SNTG1: variants seen among roughly 807,000 people sequenced by gnomAD.
SNTG1 encodes the protein gamma-1-syntrophin.
Under a neutral mutation model 74.7 loss-of-function variants are expected in SNTG1, and 39 were observed. The ratio of observed to expected loss-of-function variants is 0.52; its 90% CI spans 0.40 to 0.68. The LOEUF (loss-of-function observed/expected upper bound fraction) is 0.68. Ranked by LOEUF, SNTG1 falls within the 30% of genes least tolerant of loss-of-function variation. The probability of loss-of-function intolerance (pLI) is 0.00; values close to 1 mark genes in which losing one functional copy is unlikely to be tolerated. For missense variants in SNTG1, 685 were observed against 609.5 expected (o/e 1.12, Z -1.30); for synonymous variants, 254 against 217.1 (o/e 1.17, Z -1.49).
At position 50,734,897 on chromosome 8, in the gene SNTG1, ACATATATATATCTATATATATGTC is replaced by A. The variant is rs1235972403; in HGVS notation, c.1285-17097_1285-17074del. On this transcript the variant is annotated intron_variant, in intron 17 of 18. Coordinates refer to ENST00000642720, the MANE Select transcript of SNTG1 (RefSeq NM_018967.5). ...GACATATATATATCTATATATATGG[ACATATATATATCTATATATATGTC>A]CATATACATATATAGATATATATGG... is the stretch of plus-strand genomic sequence containing the variant. Among the ~76,000 whole-genome samples the A allele has an allele frequency of 1.5e-3, 206 of 133,080 alleles. 4 individuals are homozygous for A. Among genetic ancestry groups the A allele is most frequent in the African/African-American group, 5.2e-3 (183 of 34,944 alleles). 87.3% of individuals were successfully genotyped at this position (133,080 alleles called of 152,430 possible).
chr8:50,243,139 G>T (rs955111908), intron 2 of SNTG1, among the ~76,000 whole-genome samples: 1 of 150,804 alleles, frequency 6.6e-6, no homozygotes, highest in Non-Finnish European at 1.5e-5. Flanking sequence ...TAAATTGACC[G>T]CTAATGGTAT....
rs759561868 is a variant in SNTG1 at position 50,527,681 on chromosome 8, A to C, written c.467-2496A>C. Among the ~76,000 whole-genome samples the C allele has an allele frequency of 1.5e-4, 23 of 152,016 alleles. 1 individual carries two copies. Among genetic ancestry groups the C allele is most frequent in the Non-Finnish European group, 4.4e-5 (3 of 67,942 alleles). On this transcript the variant is annotated intron_variant, in intron 9 of 18. Transcript: ENST00000642720. ...CCTAGAAGAGGTTCTTCAACTTTGA[A>C]ATCTGTAAAGATCATTTGGCTATTC...
intron 2 of SNTG1, among the ~76,000 whole-genome samples, chr8:50,337,772 A>G (rs1466502698): frequency 1.3e-5 from 2 of 152,234 alleles, no homozygotes; most frequent in African/African-American, 2.4e-5. Flanking sequence ...TTTATCCCAC[A>G]TCAACAAGGC....
chr8:49,988,297 A>G (rs1019440589), intron 1 of SNTG1, among the ~76,000 whole-genome samples: 4 of 152,186 alleles, frequency 2.6e-5, no homozygotes, highest in African/African-American at 9.6e-5. Flanking sequence ...TGTCCCATAC[A>G]TATGAAATAA....
chr8:50,112,759 T>C (rs1275673706), intron 1 of SNTG1, among the ~76,000 whole-genome samples: 1 of 151,960 alleles, frequency 6.6e-6, no homozygotes, highest in Non-Finnish European at 1.5e-5. Context: ...TCCACCTGCT[T>C]CGGCCTCCTA....
intron 1 of SNTG1, among the ~76,000 whole-genome samples, chr8:50,049,876 A>G (rs574249963): frequency 6.6e-6 from 1 of 152,212 alleles, no homozygotes; most frequent in Admixed American, 6.5e-5. Flanking sequence ...GAGAAGTCTC[A>G]GGAGAAATTT....
chr8:50,530,610 T>A (rs1002528109), intron 10 of SNTG1, among the ~76,000 whole-genome samples: 7 of 152,178 alleles, frequency 4.6e-5, no homozygotes, highest in African/African-American at 1.7e-4. Context: ...TGAAATTACT[T>A]AACTAAAAGT....
chr8:50,379,554 T>A (rs2092447509), intron 2 of SNTG1, among the ~76,000 whole-genome samples: 1 of 152,112 alleles, frequency 6.6e-6, no homozygotes, highest in Non-Finnish European at 1.5e-5. Flanking sequence ...GAGCTCCCAC[T>A]TTTTCCTGGC....
chr8:50,043,883 C>T (rs1329872956), intron 1 of SNTG1, among the ~76,000 whole-genome samples: 2 of 152,158 alleles, frequency 1.3e-5, no homozygotes, highest in Non-Finnish European at 2.9e-5. Flanking sequence ...TTACGCATGT[C>T]ATAGCAGCCT....
intron 1 of SNTG1, among the ~76,000 whole-genome samples, chr8:50,150,293 G>A (rs2082020235): frequency 6.6e-6 from 1 of 152,146 alleles, no homozygotes; most frequent in African/African-American, 2.4e-5. Context: ...GAGATTTTGG[G>A]CTGAGACGGT....
At chr8:49,967,573 T>C (rs1256813392) in intron 1 of SNTG1, among the ~76,000 whole-genome samples, 1 of 126,396 alleles carries the variant, frequency 7.9e-6, no homozygotes. Flanking sequence ...TTGTTTTAAT[T>C]CGAATTGGTT....
intron 13 of SNTG1, among the ~76,000 whole-genome samples, chr8:50,639,449 G>T (rs2095058757): frequency 6.6e-6 from 1 of 151,906 alleles, no homozygotes. Context: ...GAGAAAAAAT[G>T]TAATGCCATT....
intron 2 of SNTG1, among the ~76,000 whole-genome samples, chr8:50,281,113 G>A (rs529771121): frequency 1.3e-5 from 2 of 152,002 alleles, no homozygotes; most frequent in East Asian, 3.9e-4. Context: ...TTCAAAATAT[G>A]TCAAAGAAAT....
chr8:50,451,665 G>A (rs1203450708), intron 8 of SNTG1, among the ~76,000 whole-genome samples: 5 of 152,100 alleles, frequency 3.3e-5, no homozygotes, highest in Non-Finnish European at 5.9e-5. Flanking sequence ...GAGGGCCCAG[G>A]GATGTGGATT....
At chr8:50,322,955 A>C (rs1447353001) in intron 2 of SNTG1, among the ~76,000 whole-genome samples, 1 of 151,892 alleles carries the variant, frequency 6.6e-6, no homozygotes, top group Non-Finnish European at 1.5e-5. Context: ...ATCTCTACTT[A>C]AAATACAAAA....
intron 2 of SNTG1, among the ~76,000 whole-genome samples, chr8:50,207,959 A>T (rs984460575): frequency 6.6e-6 from 1 of 152,160 alleles, no homozygotes; most frequent in African/African-American, 2.4e-5. Context: ...GTTCTTTTAC[A>T]TTTGATGAGG....
At chr8:50,710,393 T>C (rs1299486507) in intron 17 of SNTG1, among the ~76,000 whole-genome samples, 1 of 152,164 alleles carries the variant, frequency 6.6e-6, no homozygotes, top group Non-Finnish European at 1.5e-5. Context: ...ATTAATTTGA[T>C]AAATTAATTG....
intron 13 of SNTG1, among the ~76,000 whole-genome samples, chr8:50,651,218 C>T (rs1434770996): frequency 4.0e-5 from 6 of 151,040 alleles, no homozygotes; most frequent in African/African-American, 1.2e-4. Flanking sequence ...GCATCCAATA[C>T]TTCCTTTTTT....
intron 4 of SNTG1, among the ~76,000 whole-genome samples, chr8:50,406,989 C>T (rs146111620): frequency 2.6e-5 from 4 of 152,210 alleles, no homozygotes; most frequent in East Asian, 3.9e-4. Flanking sequence ...GAAAAACTCC[C>T]TTTGTCTGTT....
Sources: gnomAD v4.1 joint callset for allele counts (sites outside exome capture counted in the v4.1 genomes callset) on GRCh38, gnomAD v4.1.1 for gene constraint, MANE v1.5 for transcripts, NCBI Gene and HGNC (gene_info 2026-07-23, HGNC 2026-07-21) for gene names.